The following DNLZ variants were observed in gnomAD, a reference collection of about 807,000 sequenced individuals.
DNLZ encodes the protein DNL-type zinc finger, also known as DNL-type zinc finger protein.
DNLZ carries 15 observed loss-of-function variants against 7.8 expected under a neutral mutation model. The observed-to-expected ratio is 1.91, with a 90% CI of 1.28 to 2.95. The LOEUF (loss-of-function observed/expected upper bound fraction) is 2.95. Ranked by LOEUF, DNLZ falls within the 30% of genes most tolerant of loss-of-function variation. The probability of loss-of-function intolerance (pLI) is 0.00; values close to 1 mark genes in which losing one functional copy is unlikely to be tolerated. For synonymous variants in DNLZ, 123 were observed against 77.8 expected (o/e 1.58, Z -3.05); for missense variants, 255 against 167.3 (o/e 1.52, Z -2.89).
rs1358955759 is a variant in DNLZ, at chr9:136,359,788, AT to A, written c.*2223del. On this transcript the variant is annotated 3_prime_UTR_variant, in exon 3 of 3. Transcript: ENST00000371738. ...AAGTGGCTGCCTGCTGTCACCACTG[AT>A]TCCTGCACCCCTACCTCCTCACGCT... The A allele has an allele frequency of 1.3e-5, 2 of 152,162 alleles. No individual in the cohort carries two copies. Among genetic ancestry groups the A allele is most frequent in the Non-Finnish European group, 2.9e-5 (2 of 68,078 alleles). The allele number at this position is 152,162 out of a possible 1,614,324, so 9.4% of individuals were successfully genotyped here.
chr9:136,363,236 G>A (rs562684097), intron 1 of DNLZ, 108 bp from the exon 2 acceptor site: 1 of 1,369,484 alleles, frequency 7.3e-7, no homozygotes, highest in South Asian at 1.3e-5. Flanking sequence ...TCCAGAGAAG[G>A]CCCCGCCCCC....
intron 2 of DNLZ, 103 bp from the exon 3 acceptor site, chr9:136,362,283 G>A: frequency 9.4e-7 from 1 of 1,058,848 alleles, no homozygotes; most frequent in Non-Finnish European, 1.3e-6. Flanking sequence ...GCAAGCACCA[G>A]GCCCAGCACT....
intron 1 of DNLZ, 113 bp downstream of exon 1, chr9:136,363,374 T>A (rs1833020546): frequency 1.4e-6 from 1 of 736,232 alleles, no homozygotes; most frequent in Non-Finnish European, 2.5e-6. Context: ...GCTCCACTCC[T>A]TCCTGTGACT....
chr9:136,363,463 G>A (rs1446376502), intron 1 of DNLZ, 24 bp downstream of exon 1: 2 of 762,136 alleles, frequency 2.6e-6, no homozygotes, highest in Admixed American at 1.7e-5. Flanking sequence ...GTCTGTCCCC[G>A]GTTCCGTCCC....
rs1362858901 is a variant in DNLZ at position 136,363,691 on chromosome 9, G to C, written c.24C>G (p.Gly8=). ...GCACGCGACTCAGCAACCTCGGCGC[G>C]CCGCGCAGCGCAGTCCGCAGCATCC... The part of the protein sequence containing the change: MLRTALR[G]APRLLSRVQP... Residue 8 remains glycine, a synonymous_variant, in exon 1 of 3, where the codon GGC becomes GGG. Coordinates refer to ENST00000371738, the MANE Select transcript of DNLZ (RefSeq NM_001080849.3). 9.7e-6 allele frequency: 4 copies of C among 412,480 alleles called. No homozygotes were observed. The highest frequency in any genetic ancestry group is 1.7e-5 in the Non-Finnish European group (4 of 235,886). The allele number at this position is 412,480 out of a possible 1,614,324, so 25.6% of individuals were successfully genotyped here.
intron 2 of DNLZ, among the ~76,000 whole-genome samples, chr9:136,362,676 G>A (rs550213125): frequency 2.0e-5 from 3 of 152,354 alleles, no homozygotes; most frequent in Non-Finnish European, 2.9e-5. Flanking sequence ...ATGGCAGAGG[G>A]CAAAAAAGTT....
chr9:136,363,294 C>T (rs1833018028), intron 1 of DNLZ, 166 bp from the exon 2 acceptor site: 1 of 765,946 alleles, frequency 1.3e-6, no homozygotes, highest in African/African-American at 1.7e-5. Flanking sequence ...CCGGGAAGGC[C>T]CCGCCCCAGG....
Position 136,363,741 on chromosome 9 carries a change from C to T in DNLZ, c.-27G>A, listed in dbSNP as rs1462122800. The T allele has an allele frequency of 1.9e-5, 9 of 485,256 alleles. No homozygotes were observed. The East Asian group carries it at 3.1e-4, about 17-fold the overall frequency. The allele number at this position is 485,256 out of a possible 1,614,324, so 30.1% of individuals were successfully genotyped here. On this transcript the variant is annotated 5_prime_UTR_variant, in exon 1 of 3. Coordinates refer to ENST00000371738, the MANE Select transcript of DNLZ (RefSeq NM_001080849.3). ...CCGCTCGCCGGCTCCGTCCGCCCTG[C>T]CCCGGCCCCGCCCCGCCGCCATCTT...
rs1832986367 is a variant in DNLZ, at chr9:136,361,913, G to A, written c.*99C>T. The A allele has an allele frequency of 2.2e-6, 2 of 920,226 alleles. No individual in the cohort carries two copies. Among genetic ancestry groups the A allele is most frequent in the Non-Finnish European group, 2.9e-6 (2 of 698,594 alleles). 57.0% of individuals were successfully genotyped at this position (920,226 alleles called of 1,614,324 possible). On this transcript the variant is annotated 3_prime_UTR_variant, in exon 3 of 3. Transcript: ENST00000371738. Reference sequence around the variant, plus strand: ...ACAGGCCCCAGCATCTGGAAGTAATGTCTGTTTATTGATAGAAAACAGGCC... The same window carrying A: ...ACAGGCCCCAGCATCTGGAAGTAATATCTGTTTATTGATAGAAAACAGGCC...
Position 136,362,045 on chromosome 9 carries a change from A to T in DNLZ, c.504T>A (p.Gly168=). ...TAAPEAGEDE[G]PPSPGKTEPS is the part of the protein sequence containing the mutation. ...GCTCCGTCTTGCCAGGGCTGGGGGG[A>T]CCCTCATCCTCACCCGCTTCCGGAG... The change falls in exon 3 of 3, where the codon GGT becomes GGA. Residue 168 remains glycine, a synonymous_variant. Transcript: ENST00000371738. 2.2e-6 allele frequency: 3 copies of T among 1,382,270 alleles called. No individual in the cohort carries two copies. The highest frequency in any genetic ancestry group is 2.8e-6 in the Non-Finnish European group (3 of 1,058,282). The allele number at this position is 1,382,270 out of a possible 1,614,324, so 85.6% of individuals were successfully genotyped here. A position where few individuals can be genotyped will look rare whatever the true frequency, so the allele number is the denominator to read the frequency against.
At chr9:136,363,278 C>T in intron 1 of DNLZ, 150 bp from the exon 2 acceptor site, 1 of 909,024 alleles carries the variant, frequency 1.1e-6, no homozygotes, top group Non-Finnish European at 1.7e-6. Context: ...CCAACCTCGC[C>T]CTCTCCCGGG....
chr9:136,361,238 C>T lies in DNLZ; in HGVS notation c.*774G>A, dbSNP rs1186647185. On this transcript the variant is annotated 3_prime_UTR_variant, in exon 3 of 3. Transcript: ENST00000371738. ...TCCACCTCCCACCTCGCCCCATTCT[C>T]TTCCCTGCCGGAGTGTGGCGGGTGA... is the stretch of plus-strand genomic sequence containing the variant. 2 of 152,322 alleles carry T rather than the reference C, an allele frequency of 1.3e-5. No individual in the cohort carries two copies. Among genetic ancestry groups the T allele is most frequent in the Non-Finnish European group, 2.9e-5 (2 of 68,078 alleles). The allele number at this position is 152,322 out of a possible 1,614,324, so 9.4% of individuals were successfully genotyped here.
chr9:136,362,327 G>C (rs1041766930), intron 2 of DNLZ, 147 bp from the exon 3 acceptor site: 4 of 669,504 alleles, frequency 6.0e-6, no homozygotes, highest in African/African-American at 5.6e-5. Context: ...CACTTCAGAC[G>C]CTGGCCTGTG....
intron 1 of DNLZ, 139 bp downstream of exon 1, chr9:136,363,348 G>A (rs950249045): frequency 1.4e-5 from 10 of 691,562 alleles, no homozygotes; most frequent in East Asian, 8.0e-5. Context: ...CTCCCTCCCA[G>A]AAGCCCCAAG....
intron 2 of DNLZ, 34 bp downstream of exon 2, chr9:136,362,955 G>A: frequency 1.2e-6 from 2 of 1,609,302 alleles, no homozygotes; most frequent in African/African-American, 1.3e-5. Flanking sequence ...CTTCTGGGTG[G>A]CCTTCTGGCC....
intron 2 of DNLZ, among the ~76,000 whole-genome samples, chr9:136,362,574 G>A (rs752242213): frequency 2.6e-5 from 4 of 152,158 alleles, no homozygotes; most frequent in African/African-American, 4.8e-5. Flanking sequence ...CCAGGCTCCC[G>A]GCACCACCTC....
Position 136,363,623 on chromosome 9 carries a change from G to A in DNLZ, c.92C>T (p.Ala31Val), listed in dbSNP as rs533904030. 2 of 472,084 alleles carry A rather than the reference G, an allele frequency of 4.2e-6. No homozygotes were observed. Among genetic ancestry groups the A allele is most frequent in the Non-Finnish European group, 7.4e-6 (2 of 268,718 alleles). 29.2% of individuals were successfully genotyped at this position (472,084 alleles called of 1,614,324 possible). A position where few individuals can be genotyped will look rare whatever the true frequency, so the allele number is the denominator to read the frequency against. The stretch of plus-strand genomic sequence containing the variant: ...CCGCCTCCCCGCGACCTCTGGACGG[G>A]CCCCGCGGCCCCACAGCCGCCTCAG... ...PCLRRLWGRG[A>V]RPEVAGRRRA... The change falls in exon 1 of 3, where the codon GCC becomes GTC. Residue 31 changes from alanine to valine, a missense_variant. Ala to Val is a moderately conservative substitution (Grantham distance 64, BLOSUM62 0). Transcript: ENST00000371738.
chr9:136,362,369 T>TGC, intron 2 of DNLZ, among the ~76,000 whole-genome samples, 189 bp from the exon 3 acceptor site: 1 of 152,312 alleles, frequency 6.6e-6, no homozygotes, highest in African/African-American at 2.4e-5. Context: ...TCTGCCGGTA[T>TGC]GCGCCGCCTC....
At chr9:136,362,239 TC>T in intron 2 of DNLZ, 59 bp from the exon 3 acceptor site, 1 of 1,399,882 alleles carries the variant, frequency 7.1e-7, no homozygotes. Context: ...TGCACTTCAG[TC>T]CCCTCAGGGC....
Sources: allele counts gnomAD v4.1 joint callset (sites outside exome capture counted in the v4.1 genomes callset), GRCh38; gene constraint gnomAD v4.1.1; transcripts MANE v1.5; gene names NCBI Gene and HGNC (gene_info 2026-07-23, HGNC 2026-07-21).